Variants in DST observed in about 807,000 individuals in gnomAD.
DST encodes bullous pemphigoid antigen.
Under a neutral mutation model 875.2 loss-of-function variants are expected in DST, and 253 were observed. That is an observed-to-expected ratio of 0.29 (90% CI 0.26 to 0.32). The LOEUF (loss-of-function observed/expected upper bound fraction) is 0.32. DST is among the 10% of genes least tolerant of loss of function. The probability of loss-of-function intolerance (pLI) is 1.00; values close to 1 mark genes in which losing one functional copy is unlikely to be tolerated. For synonymous variants in DST, 3,124 were observed against 3,197.1 expected, an observed-to-expected ratio of 0.98 and a Z score of 0.77; for missense variants, 8,287 against 9,111.6, an observed-to-expected ratio of 0.91 and a Z score of 3.68.
chr6:56,833,186 G>A (rs977602027), intron 4 of DST, among the ~76,000 whole-genome samples: 1 of 152,084 alleles, frequency 6.6e-6, no homozygotes, highest in East Asian at 1.9e-4. Context: ...TAGGAACTAC[G>A]ACTCTTCTAA....
intron 3 of DST, 102 bp from the exon 4 acceptor site, chr6:56,851,706 C>A (rs547479432): frequency 3.5e-4 from 544 of 1,552,786 alleles, no homozygotes; most frequent in South Asian, 1.1e-3. Flanking sequence ...TCCCTGCCCC[C>A]AAACTGGGTC....
intron 36 of DST, among the ~76,000 whole-genome samples, chr6:56,622,940 T>C (rs1056195556): frequency 1.3e-5 from 2 of 152,184 alleles, no homozygotes; most frequent in African/African-American, 4.8e-5. Context: ...TAGACCAAGG[T>C]TTTTCATGTG....
chr6:56,601,146 C>T (rs2098442277), intron 44 of DST, among the ~76,000 whole-genome samples: 1 of 151,970 alleles, frequency 6.6e-6, no homozygotes, highest in African/African-American at 2.4e-5. Context: ...GTCATATGTT[C>T]CTCAATGTGT....
Position 56,552,780 on chromosome 6 carries a change from C to G in DST, c.16012G>C (p.Asp5338His), listed in dbSNP as rs746763897. 13 of 1,610,528 alleles carry G rather than the reference C, an allele frequency of 8.1e-6. No individual in the cohort carries two copies. The Admixed American group carries it at 2.2e-4, about 27-fold the overall frequency. Residue 5338 changes from aspartate (D) to histidine (H), a missense_variant, in exon 61 of 104, where the codon GAC becomes CAC. This residue lies in a region of DST where 1,513 missense variants were observed against 1,677.8 expected (regional missense o/e 0.90). Coordinates refer to ENST00000680361, the MANE Select transcript of DST (RefSeq NM_001374736.1). ...QVDLAKRLAQ[D>H]LVVEASDSKG... ...GAGTCTGAGGCCTCTACCACAAGGT[C>G]CTGTGCAAGTCTTTTAGCCAAATCT...
intron 4 of DST, among the ~76,000 whole-genome samples, chr6:56,834,369 C>T (rs890556504): frequency 6.6e-6 from 1 of 152,172 alleles, no homozygotes; most frequent in South Asian, 2.1e-4. Context: ...GAGGCCAAGG[C>T]GGGCAGATCA....
At chr6:56,743,532 A>G (rs1430308275) in intron 4 of DST, among the ~76,000 whole-genome samples, 1 of 152,170 alleles carries the variant, frequency 6.6e-6, no homozygotes, top group African/African-American at 2.4e-5. Flanking sequence ...CCTCCGCTAC[A>G]CGAAAGCCTA....
At chr6:56,877,466 G>C (rs890626858) in intron 3 of DST, among the ~76,000 whole-genome samples, 5 of 152,244 alleles carry the variant, frequency 3.3e-5, no homozygotes, top group African/African-American at 1.2e-4. Flanking sequence ...AGAGGCAGGA[G>C]AATCACTTGA....
At chr6:56,735,343 G>A in intron 4 of DST, 54 bp from the exon 5 acceptor site, 1 of 1,001,796 alleles carries the variant, frequency 1.0e-6, no homozygotes, top group Non-Finnish European at 1.5e-6. Context: ...ATGAATAGAT[G>A]ACTTTGTGAT....
chr6:56,692,448 CT>C (rs975027794), intron 9 of DST: 2 of 1,288,874 alleles, frequency 1.6e-6, no homozygotes, highest in Admixed American at 2.3e-5. Context: ...AATGGCATCT[CT>C]TTTTTTTAAA....
At chr6:56,947,247 TCTC>T (rs1400615001) in intron 2 of DST, among the ~76,000 whole-genome samples, 3 of 67,936 alleles carry the variant, frequency 4.4e-5, no homozygotes, top group Admixed American at 2.0e-4. Flanking sequence ...TTTGCTACTC[TCTC>T]TTTTTTTTTT....
rs562821583 is a variant in DST, at chr6:56,598,000, C to T, written c.11935G>A (p.Ala3979Thr). Reference protein sequence around the residue: ...AIKEETEKVAAVKQLEESKTK... With the variant: ...AIKEETEKVATVKQLEESKTK... ...TTGCTCTCTTCCAGCTGCTTCACTGCTGCTACCTGGGAAGGGAAAGTTCAC... is the reference window on the plus strand; with the variant it reads ...TTGCTCTCTTCCAGCTGCTTCACTGTTGCTACCTGGGAAGGGAAAGTTCAC... Residue 3979 changes from alanine to threonine, a missense_variant, in exon 47 of 104, where the codon GCA becomes ACA. This residue lies in a region of DST where 1,513 missense variants were observed against 1,677.8 expected (regional missense o/e 0.90). Transcript: ENST00000680361. 1 of 1,586,930 alleles carries T rather than the reference C, an allele frequency of 6.3e-7. No individual in the cohort carries two copies. The highest frequency in any genetic ancestry group is 1.3e-5 in the African/African-American group (1 of 74,312).
chr6:56,780,367 C>T (rs2099690532), intron 4 of DST, among the ~76,000 whole-genome samples: 1 of 151,650 alleles, frequency 6.6e-6, no homozygotes, highest in Admixed American at 6.6e-5. Context: ...TCCTATTTCT[C>T]CACATCCTCT....
In DST at chr6:56,852,185, G is replaced by A. The variant is rs1484518813; in HGVS notation, c.418-581C>T. On this transcript the variant is annotated intron_variant, in intron 3 of 103. Coordinates refer to ENST00000680361, the MANE Select transcript of DST (RefSeq NM_001374736.1). ...TTCATGAGACTGAAGCAGGTTCCCA[G>A]AAAAGAGCAAGGAGGGAGGAAGGGC... 6.8e-6 allele frequency: 4 copies of A among 590,010 alleles called. No individual in the cohort carries two copies. The East Asian group carries it at 4.3e-4, about 63-fold the overall frequency. 36.5% of individuals were successfully genotyped at this position (590,010 alleles called of 1,614,324 possible).
chr6:56,786,163 G>A (rs1054425951), intron 4 of DST, among the ~76,000 whole-genome samples: 3 of 152,086 alleles, frequency 2.0e-5, no homozygotes, highest in Non-Finnish European at 4.4e-5. Flanking sequence ...ATTTGGGGGG[G>A]AGGGGTTGAA....
intron 4 of DST, chr6:56,843,695 A>AGGGG: frequency 1.1e-6 from 1 of 903,860 alleles, no homozygotes; most frequent in Non-Finnish European, 1.3e-6. Context: ...CGCCGGGGAG[A>AGGGG]GAGGGAGGGA....
At chr6:56,664,401 C>G (rs565054686) in intron 10 of DST, among the ~76,000 whole-genome samples, 3 of 152,310 alleles carry the variant, frequency 2.0e-5, no homozygotes, top group Admixed American at 6.5e-5. Context: ...TGTGATGCCT[C>G]GGCAAACCCT....
At chr6:56,469,136 G>C (rs2094745912) in intron 97 of DST, 137 bp from the exon 98 acceptor site, 2 of 487,990 alleles carry the variant, frequency 4.1e-6, no homozygotes, top group African/African-American at 2.0e-5. Context: ...CAGGCACCCA[G>C]TTGTCCCAAT....
In DST at chr6:56,616,683, G is replaced by A. The variant is rs752058356; in HGVS notation, c.4930-2199C>T. On this transcript the variant is annotated intron_variant, in intron 36 of 103. Transcript: ENST00000680361. ...TGCAGAGCAATTTCTGGAGGAACACGAATGCCTCTCACAGGGTCAATGACA... is the reference window on the plus strand; with the variant it reads ...TGCAGAGCAATTTCTGGAGGAACACAAATGCCTCTCACAGGGTCAATGACA... 8 of 1,614,062 alleles carry A rather than the reference G, an allele frequency of 5.0e-6. No homozygotes were observed. The Admixed American group carries it at 6.7e-5, about 13-fold the overall frequency.
At position 56,670,778 on chromosome 6, in the gene DST, T is replaced by C. The variant is rs533862998; in HGVS notation, c.1077A>G (p.Ser359=). The C allele has an allele frequency of 2.2e-4, 352 of 1,605,112 alleles. No individual in the cohort carries two copies. Among genetic ancestry groups the C allele is most frequent in the Middle Eastern group, 1.2e-3 (7 of 6,068 alleles). Residue 359 remains serine, a synonymous_variant, in exon 10 of 104, where the codon TCA becomes TCG. Coordinates refer to ENST00000680361, the MANE Select transcript of DST (RefSeq NM_001374736.1). ...QISDIHVTGE[S]EDMSAKERLL... ...ATCTCTCTTTTGCAGACATATCCTC[T>C]GACTCTCCAGTAACATGGATATCAG... is the stretch of plus-strand genomic sequence containing the variant.
Sources: allele counts gnomAD v4.1 joint callset (sites outside exome capture counted in the v4.1 genomes callset), GRCh38; gene constraint gnomAD v4.1.1; regional missense constraint gnomAD v4.1.1; transcripts MANE v1.5; gene names NCBI Gene and HGNC (gene_info 2026-07-23, HGNC 2026-07-21).